The following SOX5 variants were observed in gnomAD, a reference collection of about 807,000 sequenced individuals.
SOX5 encodes the protein SRY-box transcription factor 5, also known as transcription factor SOX-5.
SOX5 carries 9 observed loss-of-function variants against 92.0 expected under a neutral mutation model. That is an observed-to-expected ratio of 0.10 (90% confidence interval 0.06 to 0.17). SOX5 has a LOEUF of 0.17. SOX5 is among the 10% of genes least tolerant of loss of function. The pLI is 1.00. For synonymous variants in SOX5, 344 were observed against 336.3 expected (o/e 1.02, Z -0.25); for missense variants, 642 against 944.5 (o/e 0.68, Z 4.20).
At chr12:23,679,971 A>T (rs2086314195) in intron 6 of SOX5, among the ~76,000 whole-genome samples, 1 of 151,860 alleles carries the variant, frequency 6.6e-6, no homozygotes, top group Admixed American at 6.6e-5. Context: ...AAGTAAAAAA[A>T]AACTTGAAAG....
At chr12:23,821,464 G>A (rs923151016) in intron 3 of SOX5, among the ~76,000 whole-genome samples, 4 of 152,176 alleles carry the variant, frequency 2.6e-5, no homozygotes, top group African/African-American at 9.7e-5. Flanking sequence ...ACACTATGTT[G>A]AATAGGAGTG....
intron 9 of SOX5, among the ~76,000 whole-genome samples, chr12:23,600,552 T>TATATATATATACACAC (rs745640453): frequency 1.0e-5 from 1 of 95,240 alleles, no homozygotes; most frequent in African/African-American, 3.4e-5. Flanking sequence ...TATATATATA[T>TATATATATATACACAC]ACACATACTT....
At chr12:23,690,102 T>C (rs1001295813) in intron 6 of SOX5, among the ~76,000 whole-genome samples, 3 of 152,184 alleles carry the variant, frequency 2.0e-5, no homozygotes, top group African/African-American at 7.2e-5. Flanking sequence ...CTATTCAACA[T>C]TCAGTTCAGG....
At chr12:23,788,406 A>T (rs997726098) in intron 3 of SOX5, among the ~76,000 whole-genome samples, 2 of 151,946 alleles carry the variant, frequency 1.3e-5, no homozygotes, top group Admixed American at 1.3e-4. Context: ...AAATTTTCCC[A>T]TGGGTCCTCA....
At chr12:23,582,901 A>T (rs1950234566) in intron 9 of SOX5, among the ~76,000 whole-genome samples, 1 of 152,074 alleles carries the variant, frequency 6.6e-6, no homozygotes, top group Non-Finnish European at 1.5e-5. Context: ...GTATTCAAAG[A>T]GTACCCATCA....
At chr12:24,544,038 T>C (rs1242702613) in intron 1 of SOX5, among the ~76,000 whole-genome samples, 1 of 152,192 alleles carries the variant, frequency 6.6e-6, no homozygotes, top group Non-Finnish European at 1.5e-5. Context: ...TAATGAAAAG[T>C]AATAATAATG....
intron 4 of SOX5, among the ~76,000 whole-genome samples, chr12:23,991,008 C>T (rs964528425): frequency 2.6e-5 from 4 of 151,126 alleles, no homozygotes; most frequent in African/African-American, 9.7e-5. Context: ...GATCCTTTAT[C>T]CAAAATCCTA....
intron 3 of SOX5, among the ~76,000 whole-genome samples, chr12:23,804,795 C>T (rs1594617491): frequency 2.6e-5 from 4 of 151,414 alleles, no homozygotes; most frequent in Admixed American, 2.6e-4. Context: ...CCTTAAACTC[C>T]TCCTTCATCA....
At chr12:24,206,571 A>G (rs1047153581) in intron 4 of SOX5, among the ~76,000 whole-genome samples, 7 of 150,586 alleles carry the variant, frequency 4.6e-5, no homozygotes, top group Admixed American at 6.6e-5. Context: ...CCCCCCAAAA[A>G]ACATCAACCG....
Position 24,348,277 on chromosome 12 carries a change from G to C in SOX5, c.-174+20286C>G, listed in dbSNP as rs111869606. ...CATGATAATGCAGTCCCAAATTCTT[G>C]TATGTCTACTGGTCCTTCTATAACC... is the stretch of plus-strand genomic sequence containing the variant. On this transcript the variant is annotated intron_variant, in intron 2 of 4. Coordinates refer to the SOX5 transcript ENST00000446891. 6.3e-3 allele frequency among the ~76,000 whole-genome samples: 951 copies of C among 152,086 alleles called. 8 individuals carry two copies. The highest frequency in any genetic ancestry group is 0.022 in the African/African-American group (895 of 41,500).
chr12:24,133,199 T>C (rs562715502), intron 4 of SOX5, among the ~76,000 whole-genome samples: 26 of 152,328 alleles, frequency 1.7e-4, no homozygotes, highest in African/African-American at 6.0e-4. Context: ...TGGGTCTTGC[T>C]ACTGCGAGCA....
chr12:24,301,957 A>C (rs1948009315), intron 2 of SOX5, among the ~76,000 whole-genome samples: 3 of 152,124 alleles, frequency 2.0e-5, no homozygotes, highest in Non-Finnish European at 4.4e-5. Flanking sequence ...CAAAGTATAT[A>C]TATATATAAT....
intron 2 of SOX5, among the ~76,000 whole-genome samples, chr12:23,870,944 T>A (rs80154370): frequency 7.9e-5 from 12 of 152,152 alleles, no homozygotes; most frequent in Non-Finnish European, 1.5e-4. Flanking sequence ...ATTATAGGGA[T>A]CATATGAAAA....
chr12:23,613,321 C>T (rs1259651317), intron 8 of SOX5, among the ~76,000 whole-genome samples: 1 of 139,936 alleles, frequency 7.1e-6, no homozygotes, highest in Non-Finnish European at 1.5e-5. Flanking sequence ...ATTAGGACGA[C>T]TCCTATCAAA....
intron 4 of SOX5, among the ~76,000 whole-genome samples, chr12:24,117,191 G>T (rs543048720): frequency 9.9e-5 from 15 of 152,220 alleles, no homozygotes; most frequent in Admixed American, 9.2e-4. Context: ...GATATGAATG[G>T]CCAATAGACA....
At position 23,599,883 on chromosome 12, in the gene SOX5, G is replaced by A. The variant is rs186545965; in HGVS notation, c.1164+4504C>T. ...TTTATTCTTAGAAAACAAATGTATC[G>A]AAAGATCAATTACTATAACAAAGCA... On this transcript the variant is annotated intron_variant, in intron 9 of 14. Transcript: ENST00000451604. Among the ~76,000 whole-genome samples, 275 of 152,096 alleles carry A rather than the reference G, an allele frequency of 1.8e-3. 1 individual carries two copies. Among genetic ancestry groups the A allele is most frequent in the African/African-American group, 6.0e-3 (247 of 41,492 alleles).
intron 2 of SOX5, among the ~76,000 whole-genome samples, chr12:24,357,817 G>C (rs1204673127): frequency 6.7e-6 from 1 of 148,628 alleles, no homozygotes; most frequent in Non-Finnish European, 1.5e-5. Flanking sequence ...CTCCAGCCTG[G>C]GTGACAGAGC....
chr12:23,815,145 C>G (rs1386902211), intron 3 of SOX5, among the ~76,000 whole-genome samples: 1 of 152,088 alleles, frequency 6.6e-6, no homozygotes, highest in East Asian at 1.9e-4. Flanking sequence ...CTTTGCAAAT[C>G]TCATAATCTA....
At chr12:23,951,396 C>A (rs1452230555), upstream of SOX5, among the ~76,000 whole-genome samples, 1 of 151,014 alleles carries the variant, frequency 6.6e-6, no homozygotes, top group Non-Finnish European at 1.5e-5. Flanking sequence ...ACATTAAGGG[C>A]CTTTAAAACC....
Sources: gnomAD v4.1 joint callset for allele counts (sites outside exome capture counted in the v4.1 genomes callset) on GRCh38, gnomAD v4.1.1 for gene constraint, MANE v1.5 for transcripts, NCBI Gene and HGNC (gene_info 2026-07-23, HGNC 2026-07-21) for gene names.